Variants in USP39 observed in about 807,000 individuals in gnomAD.
USP39 encodes the protein ubiquitin carboxyl-terminal hydrolase 39.
A neutral mutation model predicts 66.4 loss-of-function variants in USP39; 38 were observed. That is an observed-to-expected ratio of 0.57 (90% CI 0.44 to 0.75). The LOEUF (loss-of-function observed/expected upper bound fraction) is 0.75, where lower values mean the gene tolerates loss of function less well. Among genes scored for constraint, USP39 ranks in the 30% least tolerant of loss-of-function variants. The pLI is 0.00. For missense variants in USP39, 608 were observed against 714.4 expected (o/e 0.85, Z 1.70); for synonymous variants, 303 against 274.6 (o/e 1.10, Z -1.02).
chr2:85,617,366 G>A (rs1674072806), intron 1 of USP39, among the ~76,000 whole-genome samples: 2 of 152,212 alleles, frequency 1.3e-5, no homozygotes, highest in African/African-American at 4.8e-5. Context: ...TTTTTAAGCT[G>A]AATAAAGTCT....
At chr2:85,611,767 CCTT>C (rs1342056900), upstream of USP39, 3 of 1,612,214 alleles carry the variant, frequency 1.9e-6, no homozygotes, top group Non-Finnish European at 2.5e-6. Flanking sequence ...GCCTGCTTCA[CCTT>C]CTTGTCATAG....
At chr2:85,640,909 C>G in intron 9 of USP39, 67 bp from the exon 10 acceptor site, 2 of 1,410,946 alleles carry the variant, frequency 1.4e-6, no homozygotes, top group Non-Finnish European at 1.9e-6. Context: ...AAATGAAAAA[C>G]TCATGCCCCT....
In USP39 at chr2:85,616,336, T is replaced by TG. The variant is rs776628443; in HGVS notation, c.142dup (p.Val48GlyfsTer33). ...AGGCGGCGAGCTCCCGGGGCAGCCC[T>TG]GTGCGCGTGAAGCGGGAGTTCGAGC... On this transcript the variant is annotated frameshift_variant, in exon 1 of 13. Transcript: ENST00000323701. LOFTEE classifies it high-confidence loss of function. 4.4e-6 allele frequency: 7 copies of TG among 1,600,984 alleles called. No individual in the cohort carries two copies. Among genetic ancestry groups the TG allele is most frequent in the Non-Finnish European group, 5.1e-6 (6 of 1,173,944 alleles).
At chr2:85,632,823 C>T (rs1471524508) in intron 6 of USP39, among the ~76,000 whole-genome samples, 2 of 151,912 alleles carry the variant, frequency 1.3e-5, no homozygotes, top group African/African-American at 2.4e-5. Context: ...GAGTAAGGAC[C>T]CCCTCAGCTG....
chr2:85,616,007 A>C, upstream of USP39: 1 of 1,206,094 alleles, frequency 8.3e-7, no homozygotes, highest in South Asian at 3.9e-5. Context: ...AGGCCCACAG[A>C]AGGTTCTAAG....
At chr2:85,612,688 TCTCA>T (rs1317989356), upstream of USP39, among the ~76,000 whole-genome samples, 4 of 151,630 alleles carry the variant, frequency 2.6e-5, no homozygotes, top group Non-Finnish European at 4.4e-5. Flanking sequence ...TGAGAAGGAG[TCTCA>T]CTCTGTCGCT....
At chr2:85,647,199 A>G (rs566416924) in intron 11 of USP39, among the ~76,000 whole-genome samples, 7 of 152,084 alleles carry the variant, frequency 4.6e-5, no homozygotes, top group Non-Finnish European at 8.8e-5. Context: ...AGGAATGTCC[A>G]TATTTAGGTT....
chr2:85,648,980 ACT>A lies in USP39; in HGVS notation c.*173_*174del, dbSNP rs1418706990. The A allele has an allele frequency of 1.4e-6, 1 of 707,368 alleles. No individual in the cohort carries two copies. The highest frequency in any genetic ancestry group is 1.8e-5 in the African/African-American group (1 of 56,096). 43.8% of individuals were successfully genotyped at this position (707,368 alleles called of 1,614,324 possible). A position where few individuals can be genotyped will look rare whatever the true frequency, so the allele number is the denominator to read the frequency against. On this transcript the variant is annotated 3_prime_UTR_variant, in exon 13 of 13. Coordinates refer to ENST00000323701, the MANE Select transcript of USP39 (RefSeq NM_006590.4). Reference sequence around the variant, plus strand: ...GCCCACTTGCCTGGGATGGCCCCACACTGTCACTCAGCTGTTCTTTGATCATT... The same window carrying A: ...GCCCACTTGCCTGGGATGGCCCCACAGTCACTCAGCTGTTCTTTGATCATT...
At chr2:85,614,979 A>G (rs1012260991), upstream of USP39, among the ~76,000 whole-genome samples, 6 of 144,956 alleles carry the variant, frequency 4.1e-5, no homozygotes, top group African/African-American at 1.0e-4. Flanking sequence ...AATTGCACAC[A>G]GTGTGGTGTG....
chr2:85,616,612 T>A, intron 1 of USP39, 149 bp downstream of exon 1: 1 of 1,311,378 alleles, frequency 7.6e-7, no homozygotes, highest in Non-Finnish European at 1.0e-6. Context: ...ACTCGACGAT[T>A]CTGCTGTTCG....
chr2:85,642,350 C>CTT (rs1424176937), intron 10 of USP39, among the ~76,000 whole-genome samples: 1 of 152,200 alleles, frequency 6.6e-6, no homozygotes, highest in East Asian at 1.9e-4. Flanking sequence ...CTTCGAAAGT[C>CTT]TGTGTGTCAA....
intron 6 of USP39, 142 bp from the exon 7 acceptor site, chr2:85,635,911 T>C: frequency 2.6e-6 from 2 of 755,894 alleles, no homozygotes; most frequent in Non-Finnish European, 4.7e-6. Flanking sequence ...AATGATAAGA[T>C]AGAGGAGGAT....
chr2:85,619,428 T>C, intron 2 of USP39, 139 bp downstream of exon 2: 2 of 792,228 alleles, frequency 2.5e-6, no homozygotes, highest in South Asian at 1.8e-5. Context: ...TCTTGCCATG[T>C]TACTCCTTAT....
Position 85,616,284 on chromosome 2 carries a change from G to A in USP39, c.89G>A (p.Arg30Gln). 1.3e-6 allele frequency: 2 copies of A among 1,560,214 alleles called. No individual in the cohort carries two copies. The highest frequency in any genetic ancestry group is 1.7e-6 in the Non-Finnish European group (2 of 1,151,078). ...ESRGSSGRVK[R>Q]ERDREREPEA... The stretch of plus-strand genomic sequence containing the variant: ...CGGGGCAGCTCCGGTCGCGTCAAGC[G>A]GGAGCGAGATCGGGAGCGGGAGCCT... Residue 30 changes from arginine to glutamine, a missense_variant, in exon 1 of 13, where the codon CGG (arginine) becomes CAG (glutamine). By Grantham distance (43) the Arg-to-Gln change is conservative. Around this residue, in one of 6 missense-constraint regions of USP39, gnomAD observed 207 missense variants for 145.7 expected, o/e 1.42. Transcript: ENST00000323701.
upstream of USP39, among the ~76,000 whole-genome samples, chr2:85,613,549 T>C (rs987210667): frequency 2.0e-5 from 3 of 152,168 alleles, no homozygotes; most frequent in African/African-American, 7.2e-5. Context: ...AGCCACACGA[T>C]GGAATATTAC....
upstream of USP39, chr2:85,611,896 C>T: frequency 6.3e-7 from 1 of 1,595,396 alleles, no homozygotes; most frequent in Non-Finnish European, 8.5e-7. Flanking sequence ...CTGGTTCCGT[C>T]GGATATGGTG....
At chr2:85,635,848 A>G (rs921107856) in intron 6 of USP39, among the ~76,000 whole-genome samples, 1 of 152,140 alleles carries the variant, frequency 6.6e-6, no homozygotes, top group Admixed American at 6.6e-5. Context: ...GAGCCTATGG[A>G]GAGAGTCAAG....
intron 6 of USP39, among the ~76,000 whole-genome samples, chr2:85,632,744 G>A (rs913853393): frequency 3.2e-4 from 49 of 152,094 alleles, no homozygotes; most frequent in African/African-American, 1.1e-3. Flanking sequence ...CACCACGCCC[G>A]GCTCAACTAT....
intron 9 of USP39, chr2:85,639,968 A>T (rs547257300): frequency 6.6e-6 from 1 of 151,756 alleles, no homozygotes; most frequent in Admixed American, 6.6e-5. Flanking sequence ...GCAGCCTCAA[A>T]CTCCTGGGCT....
Sources: gnomAD v4.1 joint callset for allele counts (sites outside exome capture counted in the v4.1 genomes callset) on GRCh38, gnomAD v4.1.1 for gene constraint, gnomAD v4.1.1 regional missense constraint, MANE v1.5 for transcripts, NCBI Gene and HGNC (gene_info 2026-07-23, HGNC 2026-07-21) for gene names.